Variants in FGF12 observed in about 807,000 individuals in gnomAD.
FGF12 encodes fibroblast growth factor 12B.
Under a neutral mutation model 23.6 loss-of-function variants are expected in FGF12, and 14 were observed. That is an observed-to-expected ratio of 0.59 (90% CI 0.39 to 0.93). FGF12 has a LOEUF of 0.93. Among genes scored for constraint, FGF12 ranks in the 40% least tolerant of loss-of-function variants. FGF12 has a pLI of 0.00. For synonymous variants in FGF12, 62 were observed against 77.3 expected, an observed-to-expected ratio of 0.80 and a Z score of 1.04; for missense variants, 175 against 217.8, an observed-to-expected ratio of 0.80 and a Z score of 1.24.
chr3:192,447,033 T>C (rs1722374862), intron 2 of FGF12, among the ~76,000 whole-genome samples: 2 of 152,232 alleles, frequency 1.3e-5, no homozygotes, highest in South Asian at 2.1e-4. Flanking sequence ...CCCTTGTAGA[T>C]AAACTTTCCT....
intron 3 of FGF12, among the ~76,000 whole-genome samples, chr3:192,346,497 C>T (rs1305338434): frequency 6.6e-6 from 1 of 152,092 alleles, no homozygotes; most frequent in East Asian, 1.9e-4. Flanking sequence ...TCTGGTGATT[C>T]TTCTAATCAC....
chr3:192,285,078 T>A (rs1323172442), intron 4 of FGF12, among the ~76,000 whole-genome samples: 1 of 152,078 alleles, frequency 6.6e-6, no homozygotes, highest in Non-Finnish European at 1.5e-5. Flanking sequence ...CTAAGTACTA[T>A]TTGGGATTTA....
chr3:192,679,653 A>G (rs1717449886), intron 2 of FGF12, among the ~76,000 whole-genome samples: 1 of 151,960 alleles, frequency 6.6e-6, no homozygotes, highest in Non-Finnish European at 1.5e-5. Flanking sequence ...AAAATCATAG[A>G]TAGACATCTA....
intron 2 of FGF12, among the ~76,000 whole-genome samples, chr3:192,641,748 A>AT (rs1432318312): frequency 1.3e-5 from 2 of 152,194 alleles, no homozygotes; most frequent in Admixed American, 6.5e-5. Flanking sequence ...AACGTTTTTG[A>AT]TTAATGAAAA....
intron 4 of FGF12, among the ~76,000 whole-genome samples, chr3:192,218,925 TG>T (rs1718334123): frequency 6.6e-6 from 1 of 152,234 alleles, no homozygotes; most frequent in Non-Finnish European, 1.5e-5. Flanking sequence ...TTCCAGGTCC[TG>T]ACCCTGCCTT....
At chr3:192,695,960 A>G (rs1490025891) in intron 2 of FGF12, among the ~76,000 whole-genome samples, 1 of 152,130 alleles carries the variant, frequency 6.6e-6, no homozygotes, top group East Asian at 1.9e-4. Flanking sequence ...TTAGCCAGTC[A>G]TGGTGGCATG....
chr3:192,701,809 G>C (rs1231126542), intron 2 of FGF12, among the ~76,000 whole-genome samples: 1 of 152,060 alleles, frequency 6.6e-6, no homozygotes, highest in Non-Finnish European at 1.5e-5. Context: ...TTCATATATA[G>C]TGAAATGATT....
At chr3:192,245,315 G>C (rs1221981472) in intron 4 of FGF12, among the ~76,000 whole-genome samples, 1 of 151,554 alleles carries the variant, frequency 6.6e-6, no homozygotes, top group East Asian at 1.9e-4. Context: ...ATGGGGTCTC[G>C]CTATTTTACC....
At chr3:192,374,361 A>G (rs1719378222) in intron 2 of FGF12, among the ~76,000 whole-genome samples, 1 of 152,208 alleles carries the variant, frequency 6.6e-6, no homozygotes, top group Non-Finnish European at 1.5e-5. Context: ...ATTAGATACA[A>G]TGGTCATAAG....
chr3:192,658,195 C>T (rs188312737), intron 2 of FGF12, among the ~76,000 whole-genome samples: 4 of 152,296 alleles, frequency 2.6e-5, no homozygotes, highest in African/African-American at 9.6e-5. Flanking sequence ...TAAAAAATTA[C>T]ATTGAAATAG....
At chr3:192,199,596 C>A (rs1717255122) in intron 4 of FGF12, among the ~76,000 whole-genome samples, 1 of 152,074 alleles carries the variant, frequency 6.6e-6, no homozygotes, top group Non-Finnish European at 1.5e-5. Context: ...GGTTTGAGAG[C>A]CAGTGCATGA....
intron 2 of FGF12, among the ~76,000 whole-genome samples, chr3:192,671,433 C>G (rs1717110855): frequency 6.6e-6 from 1 of 152,168 alleles, no homozygotes; most frequent in South Asian, 2.1e-4. Context: ...GTGGGGCTTT[C>G]AGCGGAAATT....
intron 4 of FGF12, among the ~76,000 whole-genome samples, chr3:192,191,670 C>G (rs1455285439): frequency 1.3e-5 from 2 of 152,136 alleles, no homozygotes. Context: ...CCCGTCTCTA[C>G]TAAAAATAAC....
intron 4 of FGF12, among the ~76,000 whole-genome samples, chr3:192,215,177 GT>G (rs1389716217): frequency 2.6e-5 from 4 of 152,142 alleles, no homozygotes; most frequent in Admixed American, 6.6e-5. Flanking sequence ...GCTGAATCCT[GT>G]TTCCTTGTCT....
intron 2 of FGF12, among the ~76,000 whole-genome samples, chr3:192,477,506 AC>A (rs1241947315): frequency 6.6e-6 from 1 of 152,222 alleles, no homozygotes; most frequent in Admixed American, 6.5e-5. Flanking sequence ...AAACAATGGT[AC>A]GATATTATTA....
chr3:192,449,121 T>C (rs891533783), intron 2 of FGF12, among the ~76,000 whole-genome samples: 1 of 152,206 alleles, frequency 6.6e-6, no homozygotes, highest in African/African-American at 2.4e-5. Flanking sequence ...GTTATCAATT[T>C]ATTGTGTCTC....
chr3:192,417,447 C>T (rs1446310962), intron 2 of FGF12, among the ~76,000 whole-genome samples: 1 of 151,478 alleles, frequency 6.6e-6, no homozygotes, highest in African/African-American at 2.4e-5. Context: ...TTTTGTTCCT[C>T]CTGTAAGAAC....
At chr3:192,248,810 A>T (rs950677990) in intron 4 of FGF12, among the ~76,000 whole-genome samples, 1 of 152,102 alleles carries the variant, frequency 6.6e-6, no homozygotes, top group African/African-American at 2.4e-5. Flanking sequence ...TAAAATCCTA[A>T]GAGTTAATTC....
chr3:192,414,880 C>G (rs951654915), intron 2 of FGF12, among the ~76,000 whole-genome samples: 1 of 152,034 alleles, frequency 6.6e-6, no homozygotes, highest in African/African-American at 2.4e-5. Flanking sequence ...AATTCTCTCC[C>G]CGTGAAGCTC....
Sources: gnomAD v4.1 joint callset for allele counts (sites outside exome capture counted in the v4.1 genomes callset) on GRCh38, gnomAD v4.1.1 for gene constraint, MANE v1.5 for transcripts, NCBI Gene and HGNC (gene_info 2026-07-23, HGNC 2026-07-21) for gene names.